The following COL27A1 variants were observed in gnomAD, a reference collection of about 807,000 sequenced individuals.
COL27A1 encodes the protein collagen type XXVII alpha 1 chain.
COL27A1 carries 106 observed loss-of-function variants against 251.3 expected under a neutral mutation model. The ratio of observed to expected loss-of-function variants is 0.42; its 90% CI spans 0.36 to 0.50. COL27A1 has a LOEUF of 0.50. Ranked by LOEUF, COL27A1 falls within the 20% of genes least tolerant of loss-of-function variation. The probability of loss-of-function intolerance (pLI) is 0.00; values close to 1 mark genes in which losing one functional copy is unlikely to be tolerated. For synonymous variants in COL27A1, 1,000 were observed against 986.3 expected (o/e 1.01, Z -0.26); for missense variants, 2,325 against 2,522.8 (o/e 0.92, Z 1.68).
At chr9:114,269,346 C>A in intron 35 of COL27A1, 52 bp downstream of exon 35, 1 of 1,385,730 alleles carries the variant, frequency 7.2e-7, no homozygotes, top group Non-Finnish European at 1.0e-6. Context: ...GTGTGGGTGC[C>A]GCAGGGGAAG....
intron 28 of COL27A1, among the ~76,000 whole-genome samples, chr9:114,258,811 C>G (rs1480175268): frequency 6.6e-6 from 1 of 152,216 alleles, no homozygotes; most frequent in African/African-American, 2.4e-5. Context: ...TTGCTATCCA[C>G]CAGGCACAGT....
chr9:114,201,179 C>T (rs1449351970), intron 7 of COL27A1, among the ~76,000 whole-genome samples: 5 of 152,226 alleles, frequency 3.3e-5, no homozygotes, highest in Non-Finnish European at 7.3e-5. Context: ...TGCTGGGCAG[C>T]CAGAGGCCCC....
At chr9:114,267,355 CAAG>C (rs1834816607) in intron 33 of COL27A1, 146 bp from the exon 34 acceptor site, 1 of 612,644 alleles carries the variant, frequency 1.6e-6, no homozygotes. Context: ...CTCCAAGCTC[CAAG>C]AAGCTACAAG....
chr9:114,222,576 AAAGCCCTT>A (rs958462213), intron 14 of COL27A1, among the ~76,000 whole-genome samples: 1 of 152,228 alleles, frequency 6.6e-6, no homozygotes, highest in African/African-American at 2.4e-5. Flanking sequence ...CAAGATTGCC[AAAGCCCTT>A]TCACACCTGC....
intron 24 of COL27A1, among the ~76,000 whole-genome samples, chr9:114,248,699 G>A (rs1030526164): frequency 6.6e-6 from 1 of 152,166 alleles, no homozygotes; most frequent in African/African-American, 2.4e-5. Flanking sequence ...GGTGCGGGTC[G>A]GGGGATGGGG....
intron 49 of COL27A1, among the ~76,000 whole-genome samples, chr9:114,292,479 C>T (rs1019158757): frequency 3.3e-5 from 5 of 152,306 alleles, no homozygotes; most frequent in African/African-American, 1.2e-4. Flanking sequence ...AAGGTGGGCG[C>T]TCCTGACTCC....
rs1290281761 is a variant in COL27A1 at position 114,169,072 on chromosome 9, C to T, written c.1517C>T (p.Thr506Met). Residue 506 changes from threonine to methionine, a missense_variant, in exon 3 of 61, where the codon ACG (threonine) becomes ATG (methionine). Thr to Met is a moderately conservative substitution (Grantham distance 81). Transcript: ENST00000356083. Reference sequence around the variant, plus strand: ...ACCAGGAGTACTCGGCCACCAGCCACGATGGTACCTCCAACTTCGGGCACC... The same window carrying T: ...ACCAGGAGTACTCGGCCACCAGCCATGATGGTACCTCCAACTTCGGGCACC... The part of the protein sequence containing the change: ...GSTRSTRPPA[T>M]MVPPTSGTST... The T allele has an allele frequency of 6.8e-6, 11 of 1,614,066 alleles. No homozygotes were observed. The South Asian group carries it at 7.7e-5, about 11-fold the overall frequency.
At chr9:114,230,938 A>G in intron 14 of COL27A1, 141 bp from the exon 15 acceptor site, 1 of 617,702 alleles carries the variant, frequency 1.6e-6, no homozygotes. Context: ...GATGAAGAAC[A>G]TTCCAGATTC....
At chr9:114,227,736 G>C (rs7037586) in intron 14 of COL27A1, among the ~76,000 whole-genome samples, 15,717 of 152,160 alleles carry the variant, frequency 0.1, 1,041 homozygotes, top group African/African-American at 0.19. Flanking sequence ...CACAGCGTGT[G>C]GTGCGGTGTC....
Position 114,211,630 on chromosome 9 carries a change from G to A in COL27A1, c.2367+604G>A, listed in dbSNP as rs375155635. The stretch of plus-strand genomic sequence containing the variant: ...GAACATGGAGAAAGAGCCAAGGCAC[G>A]GAGAGATTAAGTCACTTGCACGATG... On this transcript the variant is annotated intron_variant, in intron 12 of 60. Transcript: ENST00000356083. Among the ~76,000 whole-genome samples the A allele has an allele frequency of 5.2e-4, 79 of 152,326 alleles. 1 individual carries two copies. The South Asian group carries it at 0.012, about 24-fold the overall frequency.
At chr9:114,217,628 C>A in intron 12 of COL27A1, 1 of 374,110 alleles carries the variant, frequency 2.7e-6, no homozygotes, top group Admixed American at 3.3e-5. Context: ...CAGGGCTCAT[C>A]TGCAGGCCAT....
chr9:114,232,304 T>C (rs1832022468), intron 16 of COL27A1, among the ~76,000 whole-genome samples: 1 of 152,192 alleles, frequency 6.6e-6, no homozygotes, highest in Admixed American at 6.5e-5. Context: ...TCTGAGCCCC[T>C]GACCCGCTTC....
At chr9:114,189,437 A>G (rs1828602667) in intron 5 of COL27A1, among the ~76,000 whole-genome samples, 1 of 152,166 alleles carries the variant, frequency 6.6e-6, no homozygotes, top group Non-Finnish European at 1.5e-5. Context: ...TATTCTGTGT[A>G]TCCTCCTTCT....
chr9:114,284,660 A>C, intron 40 of COL27A1, 64 bp from the exon 41 acceptor site: 6 of 1,544,352 alleles, frequency 3.9e-6, no homozygotes, highest in Non-Finnish European at 5.4e-6. Flanking sequence ...CCCATCTTGG[A>C]GTCCATGTCC....
intron 13 of COL27A1, 47 bp downstream of exon 13, chr9:114,219,891 C>A: frequency 2.1e-6 from 3 of 1,427,290 alleles, no homozygotes; most frequent in South Asian, 1.1e-5. Context: ...TCTGAGTGAA[C>A]ACACAGCAGA....
At position 114,184,416 on chromosome 9, in the gene COL27A1, C is replaced by T. The variant is rs544284917; in HGVS notation, c.2016+1341C>T. ...TTTGGACAGAGGTCTCACATGGTAG[C>T]CCTGGGCATATGGATCTGTGGTGTC... On this transcript the variant is annotated intron_variant, in intron 5 of 60. Coordinates refer to ENST00000356083, the MANE Select transcript of COL27A1 (RefSeq NM_032888.4). Among the ~76,000 whole-genome samples, 8 of 152,306 alleles carry T rather than the reference C, an allele frequency of 5.3e-5. No individual in the cohort carries two copies. The South Asian group carries it at 1.2e-3, about 24-fold the overall frequency.
intron 14 of COL27A1, 123 bp from the exon 15 acceptor site, chr9:114,230,956 A>C (rs1831900898): frequency 1.5e-6 from 1 of 673,086 alleles, no homozygotes; most frequent in African/African-American, 1.8e-5. Flanking sequence ...TTCCAAGATC[A>C]ATCCTACAGA....
intron 21 of COL27A1, 80 bp downstream of exon 21, chr9:114,240,567 C>T (rs1832691239): frequency 7.2e-7 from 1 of 1,388,822 alleles, no homozygotes; most frequent in African/African-American, 1.4e-5. Context: ...GTACTGAAGG[C>T]CTTAGCTTGG....
At chr9:114,188,881 G>T (rs1219243076) in intron 5 of COL27A1, among the ~76,000 whole-genome samples, 1 of 152,106 alleles carries the variant, frequency 6.6e-6, no homozygotes, top group Non-Finnish European at 1.5e-5. Flanking sequence ...CCACTTATGA[G>T]TGGGTTTATT....
Sources: gnomAD v4.1 joint callset for allele counts (sites outside exome capture counted in the v4.1 genomes callset) on GRCh38, gnomAD v4.1.1 for gene constraint, MANE v1.5 for transcripts, NCBI Gene and HGNC (gene_info 2026-07-23, HGNC 2026-07-21) for gene names.